Variants in UNC5B observed in about 807,000 individuals in gnomAD.
The protein encoded by UNC5B is netrin receptor UNC5B.
A neutral mutation model predicts 103.7 loss-of-function variants in UNC5B; 56 were observed. The ratio of observed to expected loss-of-function variants is 0.54; its 90% CI spans 0.44 to 0.67. The LOEUF (loss-of-function observed/expected upper bound fraction) is 0.67, where lower values mean the gene tolerates loss of function less well. Ranked by LOEUF, UNC5B falls within the 30% of genes least tolerant of loss-of-function variation. The pLI is 0.00. For missense variants in UNC5B, 1,194 were observed against 1,284.5 expected (o/e 0.93, Z 1.08); for synonymous variants, 577 against 542.0 (o/e 1.06, Z -0.90).
At chr10:71,274,369 A>AT (rs558850744) in intron 1 of UNC5B, among the ~76,000 whole-genome samples, 5,684 of 151,868 alleles carry the variant, frequency 0.037, 170 homozygotes, top group East Asian at 0.1. Context: ...AAAAAAAAAA[A>AT]AAAATAAAAT....
intron 1 of UNC5B, among the ~76,000 whole-genome samples, chr10:71,234,843 T>C (rs1302154430): frequency 6.6e-6 from 1 of 152,182 alleles, no homozygotes; most frequent in Non-Finnish European, 1.5e-5. Context: ...TCTCTTCCTC[T>C]GCTCTATTTG....
At chr10:71,240,227 T>A (rs2061990159) in intron 1 of UNC5B, among the ~76,000 whole-genome samples, 1 of 152,264 alleles carries the variant, frequency 6.6e-6, no homozygotes, top group African/African-American at 2.4e-5. Flanking sequence ...TGCGGCCTGC[T>A]GCATTTTTTT....
In UNC5B at chr10:71,291,716, G is replaced by A. The variant is rs376097676; in HGVS notation, c.1579G>A (p.Ala527Thr). The change falls in exon 10 of 17, where the codon GCC (alanine) becomes ACC (threonine). Residue 527 changes from alanine (A) to threonine (T), a missense_variant. Coordinates refer to ENST00000335350, the MANE Select transcript of UNC5B (RefSeq NM_170744.5). ...CACCCACTTCCTGCACCTGCGCAGCGCCAGCCTCGGTTCCCAGCAGCTCTT... is the reference window on the plus strand; with the variant it reads ...CACCCACTTCCTGCACCTGCGCAGCACCAGCCTCGGTTCCCAGCAGCTCTT... Reference protein sequence around the residue: ...RDTHFLHLRSASLGSQQLLGL... With the variant: ...RDTHFLHLRSTSLGSQQLLGL... The A allele has an allele frequency of 1.6e-5, 26 of 1,612,174 alleles. No homozygotes were observed. The highest frequency in any genetic ancestry group is 4.5e-5 in the East Asian group (2 of 44,890).
At chr10:71,219,806 CAGAT>C (rs1843415672) in intron 1 of UNC5B, among the ~76,000 whole-genome samples, 1 of 152,216 alleles carries the variant, frequency 6.6e-6, no homozygotes, top group Non-Finnish European at 1.5e-5. Flanking sequence ...GTGAGGGTGA[CAGAT>C]GATATGCAGG....
intron 1 of UNC5B, among the ~76,000 whole-genome samples, chr10:71,253,371 C>T (rs1391642473): frequency 6.6e-6 from 1 of 152,214 alleles, no homozygotes; most frequent in Non-Finnish European, 1.5e-5. Context: ...TCCCTTCCCC[C>T]GACACCATGC....
At chr10:71,269,371 G>A (rs1363566852) in intron 1 of UNC5B, among the ~76,000 whole-genome samples, 1 of 125,314 alleles carries the variant, frequency 8.0e-6, no homozygotes, top group Admixed American at 1.0e-4. Context: ...TCCTTTCCTG[G>A]GAGTCTGGTG....
chr10:71,216,987 G>C (rs1425188678), intron 1 of UNC5B, among the ~76,000 whole-genome samples: 1 of 152,270 alleles, frequency 6.6e-6, no homozygotes, highest in African/African-American at 2.4e-5. Context: ...CCGCCTTCAG[G>C]AAAGGGCAGA....
chr10:71,237,312 C>T (rs1564710853), intron 1 of UNC5B, among the ~76,000 whole-genome samples: 1 of 152,182 alleles, frequency 6.6e-6, no homozygotes, highest in Admixed American at 6.5e-5. Flanking sequence ...GACAGTTTAG[C>T]CCATGTGAGC....
At chr10:71,271,995 C>G (rs1161300038) in intron 1 of UNC5B, among the ~76,000 whole-genome samples, 1 of 152,164 alleles carries the variant, frequency 6.6e-6, no homozygotes, top group Non-Finnish European at 1.5e-5. Context: ...GCCTGAACCC[C>G]ACAGCCGCAA....
At chr10:71,225,554 G>T (rs1485671478) in intron 1 of UNC5B, among the ~76,000 whole-genome samples, 3 of 152,224 alleles carry the variant, frequency 2.0e-5, no homozygotes, top group Non-Finnish European at 4.4e-5. Context: ...TCAGTGCTGG[G>T]TTTGATACTG....
chr10:71,230,040 C>CCTGA (rs566643001), intron 1 of UNC5B, among the ~76,000 whole-genome samples: 1 of 152,170 alleles, frequency 6.6e-6, no homozygotes, highest in South Asian at 2.1e-4. Flanking sequence ...AGAGCTACCT[C>CCTGA]CTGACCTACA....
At chr10:71,237,674 A>G (rs1214056123) in intron 1 of UNC5B, among the ~76,000 whole-genome samples, 1 of 152,202 alleles carries the variant, frequency 6.6e-6, no homozygotes, top group Non-Finnish European at 1.5e-5. Context: ...TGAAGTCCGT[A>G]TTGGAAGCCT....
chr10:71,281,389 A>G (rs1014085616), intron 2 of UNC5B, among the ~76,000 whole-genome samples: 24 of 151,324 alleles, frequency 1.6e-4, no homozygotes, highest in Middle Eastern at 3.4e-3. Context: ...CACCCGGGCT[A>G]GAGTACAGTG....
intron 8 of UNC5B, among the ~76,000 whole-genome samples, chr10:71,289,528 C>T (rs1408416678): frequency 2.0e-5 from 3 of 152,258 alleles, no homozygotes; most frequent in Non-Finnish European, 2.9e-5. Context: ...TGCGCCACCA[C>T]TGCAATCATA....
chr10:71,222,299 T>C (rs565987373), intron 1 of UNC5B, among the ~76,000 whole-genome samples: 1 of 115,608 alleles, frequency 8.6e-6, no homozygotes, highest in Admixed American at 1.0e-4. Flanking sequence ...ACTCAAGACT[T>C]CTAGGGCCAG....
intron 1 of UNC5B, among the ~76,000 whole-genome samples, chr10:71,251,419 A>C (rs1461562862): frequency 6.6e-6 from 1 of 152,304 alleles, no homozygotes; most frequent in Non-Finnish European, 1.5e-5. Context: ...ATGGCATTTA[A>C]AGGCAAATTG....
chr10:71,253,444 G>A (rs913650443), intron 1 of UNC5B, among the ~76,000 whole-genome samples: 2 of 152,172 alleles, frequency 1.3e-5, no homozygotes, highest in African/African-American at 4.8e-5. Flanking sequence ...CCTTCTCCTC[G>A]TCCATTGCCC....
chr10:71,268,999 C>T (rs1321753340), intron 1 of UNC5B, among the ~76,000 whole-genome samples: 1 of 152,194 alleles, frequency 6.6e-6, no homozygotes, highest in Non-Finnish European at 1.5e-5. Flanking sequence ...TGGCCCTCAC[C>T]CGTCTGACAC....
At chr10:71,265,145 T>C (rs1204369713) in intron 1 of UNC5B, among the ~76,000 whole-genome samples, 1 of 152,106 alleles carries the variant, frequency 6.6e-6, no homozygotes, top group Non-Finnish European at 1.5e-5. Context: ...TTCAGTTAGA[T>C]AATTATTCCA....
Sources: allele counts gnomAD v4.1 joint callset (sites outside exome capture counted in the v4.1 genomes callset), GRCh38; gene constraint gnomAD v4.1.1; transcripts MANE v1.5; gene names NCBI Gene and HGNC (gene_info 2026-07-23, HGNC 2026-07-21).